Variants in SOHLH2 observed in about 807,000 individuals in gnomAD.
SOHLH2 encodes spermatogenesis- and oogenesis-specific basic helix-loop-helix-containing protein 2.
Under a neutral mutation model 50.4 loss-of-function variants are expected in SOHLH2, and 22 were observed. The observed-to-expected ratio is 0.44, with a 90% CI of 0.31 to 0.62. SOHLH2 has a LOEUF of 0.62. SOHLH2 is among the 20% of genes least tolerant of loss of function. The pLI, the probability that SOHLH2 is intolerant of heterozygous loss-of-function variation, is 0.08. For synonymous variants in SOHLH2, 185 were observed against 187.3 expected (o/e 0.99, Z 0.10); for missense variants, 412 against 504.4 (o/e 0.82, Z 1.76).
chr13:36,182,283 T>C, intron 6 of SOHLH2: 3 of 985,400 alleles, frequency 3.0e-6, no homozygotes, highest in Non-Finnish European at 2.4e-6. Context: ...AACAAGAATC[T>C]GAAATTTGGG....
chr13:36,192,280 A>C (rs9575542), intron 4 of SOHLH2, among the ~76,000 whole-genome samples: 3 of 152,004 alleles, frequency 2.0e-5, no homozygotes, highest in Non-Finnish European at 4.4e-5. Context: ...TCTGAAAAAA[A>C]TTTTTTCCTT....
chr13:36,185,050 C>G (rs1244482808), intron 6 of SOHLH2, among the ~76,000 whole-genome samples: 1 of 152,176 alleles, frequency 6.6e-6, no homozygotes, highest in East Asian at 1.9e-4. Context: ...TGTTAGTTTG[C>G]TGAGAATGCT....
chr13:36,187,795 A>G (rs1028048732), intron 6 of SOHLH2, among the ~76,000 whole-genome samples: 2 of 152,132 alleles, frequency 1.3e-5, no homozygotes, highest in Non-Finnish European at 1.5e-5. Flanking sequence ...CTGCCTCCTC[A>G]GGGATGCTCA....
At chr13:36,182,699 C>T (rs1887290909) in intron 6 of SOHLH2, 1 of 152,244 alleles carries the variant, frequency 6.6e-6, no homozygotes, top group African/African-American at 2.4e-5. Context: ...TAACACCACA[C>T]TGAGAAGAAT....
At chr13:36,203,775 A>G (rs1385820544) in intron 1 of SOHLH2, among the ~76,000 whole-genome samples, 1 of 152,080 alleles carries the variant, frequency 6.6e-6, no homozygotes, top group African/African-American at 2.4e-5. Context: ...TTTTCATTTT[A>G]GTGGCAATTT....
intron 2 of SOHLH2, among the ~76,000 whole-genome samples, chr13:36,201,028 A>G (rs1176454611): frequency 6.8e-6 from 1 of 146,434 alleles, no homozygotes; most frequent in African/African-American, 2.5e-5. Flanking sequence ...CAGCCTGGGC[A>G]ACAGAACGAG....
chr13:36,204,107 T>C (rs549964751), intron 1 of SOHLH2, among the ~76,000 whole-genome samples: 1 of 151,794 alleles, frequency 6.6e-6, no homozygotes, highest in South Asian at 2.1e-4. Flanking sequence ...CCCACCACCA[T>C]GCCTGGCTGA....
chr13:36,174,990 CTCCATT>C, intron 6 of SOHLH2, 121 bp from the exon 7 acceptor site: 4 of 1,357,744 alleles, frequency 2.9e-6, no homozygotes, highest in Non-Finnish European at 3.8e-6. Context: ...CCTATATAGT[CTCCATT>C]TCAGAGAAAG....
At chr13:36,179,926 G>C (rs1363079780) in intron 6 of SOHLH2, among the ~76,000 whole-genome samples, 1 of 152,142 alleles carries the variant, frequency 6.6e-6, no homozygotes, top group Non-Finnish European at 1.5e-5. Flanking sequence ...CATGAAAGGG[G>C]TTAGGAAGTA....
chr13:36,197,569 T>A (rs1027287471), intron 2 of SOHLH2, among the ~76,000 whole-genome samples: 1 of 152,146 alleles, frequency 6.6e-6, no homozygotes, highest in Non-Finnish European at 1.5e-5. Context: ...CTTAGAGCCA[T>A]AAGGATTTCC....
chr13:36,194,835 C>T (rs9546645), intron 2 of SOHLH2, among the ~76,000 whole-genome samples: 89,458 of 152,026 alleles, frequency 0.59, 26,497 homozygotes, highest in East Asian at 0.68. Flanking sequence ...CATGTGGTTA[C>T]ATATGGTTAT....
At chr13:36,196,097 A>AAGATAGATAGATAGATAGATAGAT (rs35207535) in intron 2 of SOHLH2, among the ~76,000 whole-genome samples, 160 of 145,704 alleles carry the variant, frequency 1.1e-3, no homozygotes, top group African/African-American at 3.6e-3. Context: ...GACAGACAGA[A>AAGATAGATAGATAGATAGATAGAT]AGATAGATAG....
chr13:36,168,813 G>T lies in SOHLH2; in HGVS notation c.*221C>A. 1.7e-6 allele frequency: 1 copy of T among 605,836 alleles called. No individual in the cohort carries two copies. The highest frequency in any genetic ancestry group is 2.6e-6 in the Non-Finnish European group (1 of 389,994). The allele number at this position is 605,836 out of a possible 1,614,324, so 37.5% of individuals were successfully genotyped here. On this transcript the variant is annotated 3_prime_UTR_variant, in exon 11 of 11. Transcript: ENST00000379881. ...AGCTCTCTGGCTGGCGGGGATCCAA[G>T]TGTGTATGAAGATGAGTGACAGTGT... is the stretch of plus-strand genomic sequence containing the variant.
chr13:36,194,934 A>C (rs368792082), intron 2 of SOHLH2, among the ~76,000 whole-genome samples: 4 of 152,080 alleles, frequency 2.6e-5, no homozygotes. Context: ...GTAAGTATAC[A>C]TTCTATATTT....
chr13:36,209,444 G>A (rs1593963520), intron 1 of SOHLH2, among the ~76,000 whole-genome samples: 1 of 152,130 alleles, frequency 6.6e-6, no homozygotes, highest in African/African-American at 2.4e-5. Context: ...AGGTTGGGAA[G>A]TCCAAGATCA....
intron 10 of SOHLH2, among the ~76,000 whole-genome samples, chr13:36,169,484 A>C (rs1648422991): frequency 6.6e-6 from 1 of 152,188 alleles, no homozygotes. Context: ...TCATATGAAG[A>C]TTGTAACAGT....
intron 1 of SOHLH2, among the ~76,000 whole-genome samples, chr13:36,206,877 A>G (rs1346858109): frequency 1.3e-5 from 2 of 151,474 alleles, no homozygotes; most frequent in East Asian, 3.9e-4. Flanking sequence ...ATATATAACT[A>G]TAATATTTAA....
chr13:36,170,489 G>A (rs1886931646), intron 10 of SOHLH2, 42 bp downstream of exon 10: 1 of 1,589,638 alleles, frequency 6.3e-7, no homozygotes, highest in African/African-American at 1.3e-5. Flanking sequence ...GCTGGCTGGA[G>A]TGAAAGGGTC....
At chr13:36,203,071 T>C (rs1470454027) in intron 1 of SOHLH2, among the ~76,000 whole-genome samples, 3 of 152,210 alleles carry the variant, frequency 2.0e-5, no homozygotes, top group Non-Finnish European at 2.9e-5. Flanking sequence ...CCTAATTTTC[T>C]TCCTTTTTTT....
Sources: allele counts gnomAD v4.1 joint callset (sites outside exome capture counted in the v4.1 genomes callset), GRCh38; gene constraint gnomAD v4.1.1; transcripts MANE v1.5; gene names NCBI Gene and HGNC (gene_info 2026-07-23, HGNC 2026-07-21).